CDH23: variants seen among roughly 807,000 people sequenced by gnomAD.
The protein encoded by CDH23 is cadherin related 23.
Under a neutral mutation model 317.1 loss-of-function variants are expected in CDH23, and 189 were observed. The ratio of observed to expected loss-of-function variants is 0.60; its 90% CI spans 0.53 to 0.67. CDH23 has a LOEUF of 0.67. Among genes scored for constraint, CDH23 ranks in the 30% least tolerant of loss-of-function variants. The probability of loss-of-function intolerance (pLI) is 0.00; values close to 1 mark genes in which losing one functional copy is unlikely to be tolerated. For synonymous variants in CDH23, 1,839 were observed against 1,876.8 expected (o/e 0.98, Z 0.52); for missense variants, 4,401 against 4,592.4 (o/e 0.96, Z 1.20).
At chr10:71,793,104 T>A (rs913998625) in intron 47 of CDH23, 78 bp from the exon 48 acceptor site, 49 of 1,132,492 alleles carry the variant, frequency 4.3e-5, no homozygotes, top group Admixed American at 1.9e-4. Context: ...CTTGAGAAGA[T>A]CACCAACAAA....
At chr10:71,779,133 T>C in intron 40 of CDH23, 134 bp from the exon 41 acceptor site, 1 of 799,162 alleles carries the variant, frequency 1.3e-6, no homozygotes, top group South Asian at 1.5e-5. Flanking sequence ...CCCACCCATA[T>C]CCGACTTCCC....
rs569882555 is a variant in CDH23 at position 71,461,954 on chromosome 10, A to G, written c.145+15559A>G. ...CGCTGCCCTGGCCATGCAGCTTCCT[A>G]GCCTCCTGAATTGGCTCCATGAGTC... is the stretch of plus-strand genomic sequence containing the variant. On this transcript the variant is annotated intron_variant, in intron 3 of 69. Coordinates refer to ENST00000224721, the MANE Select transcript of CDH23 (RefSeq NM_022124.6). Among the ~76,000 whole-genome samples, 373 of 152,308 alleles carry G rather than the reference A, an allele frequency of 2.4e-3. 4 individuals are homozygous for G. The highest frequency in any genetic ancestry group is 8.7e-3 in the African/African-American group (361 of 41,578).
chr10:71,499,455 G>T (rs929648003), intron 3 of CDH23, among the ~76,000 whole-genome samples: 1 of 152,168 alleles, frequency 6.6e-6, no homozygotes, highest in African/African-American at 2.4e-5. Flanking sequence ...CGAGCTACTT[G>T]GGAGGCTGAG....
intron 1 of CDH23, among the ~76,000 whole-genome samples, chr10:71,398,437 GTGT>G (rs1847628153): frequency 8.5e-6 from 1 of 117,224 alleles, no homozygotes; most frequent in African/African-American, 3.7e-5. Flanking sequence ...GAGTGTGTGT[GTGT>G]GTGTGTGTGT....
chr10:71,587,110 G>A (rs1437513163), intron 9 of CDH23, among the ~76,000 whole-genome samples: 1 of 152,230 alleles, frequency 6.6e-6, no homozygotes, highest in Non-Finnish European at 1.5e-5. Context: ...CCATTTAACA[G>A]ATGAGGAAGC....
chr10:71,518,497 G>A (rs1478336910), intron 6 of CDH23, among the ~76,000 whole-genome samples: 1 of 152,190 alleles, frequency 6.6e-6, no homozygotes, highest in Non-Finnish European at 1.5e-5. Flanking sequence ...GCTCACTGCT[G>A]GCTGTCTGCA....
In CDH23 at chr10:71,397,148, G is replaced by GAGCGGCC. The variant is rs1429034348; in HGVS notation, c.-175_-169dup. 2 of 187,694 alleles carry GAGCGGCC rather than the reference G, an allele frequency of 1.1e-5. No homozygotes were observed. The highest frequency in any genetic ancestry group is 4.9e-5 in the African/African-American group (2 of 40,866). 11.6% of individuals were successfully genotyped at this position (187,694 alleles called of 1,614,324 possible). On this transcript the variant is annotated 5_prime_UTR_variant, in exon 1 of 70. Coordinates refer to ENST00000224721, the MANE Select transcript of CDH23 (RefSeq NM_022124.6). This position sits in a 1 kb window ranked among gnomAD's most constrained non-coding sequence, Gnocchi z 4.8. ...TTGCGAGCGGCGAGCGGCGAGCGGC[G>GAGCGGCC]AGCGGCCCGCGGAGACCCAGGAGCT...
chr10:71,695,976 G>A lies in CDH23; in HGVS notation c.2397+451G>A, dbSNP rs191933512. Among the ~76,000 whole-genome samples, 11 of 152,348 alleles carry A rather than the reference G, an allele frequency of 7.2e-5. No individual in the cohort carries two copies. The East Asian group carries it at 1.7e-3, about 24-fold the overall frequency. On this transcript the variant is annotated intron_variant, in intron 22 of 69. Coordinates refer to ENST00000224721, the MANE Select transcript of CDH23 (RefSeq NM_022124.6). ...ACCTCCCCCACGGGCTGGCCCCCAC[G>A]GCTGCCCAGCAGGGGTTTTGTTCAC... is the stretch of plus-strand genomic sequence containing the variant.
chr10:71,412,897 TG>T (rs1848397452), intron 1 of CDH23, among the ~76,000 whole-genome samples: 1 of 152,242 alleles, frequency 6.6e-6, no homozygotes, highest in Non-Finnish European at 1.5e-5. Flanking sequence ...TTATCAGATG[TG>T]TGATTTACAG....
At chr10:71,800,851 C>A in intron 53 of CDH23, 96 bp downstream of exon 53, 1 of 1,509,622 alleles carries the variant, frequency 6.6e-7, no homozygotes, top group Non-Finnish European at 9.0e-7. Context: ...AGACTGGGAG[C>A]AGAGCCCCCC....
chr10:71,596,907 C>T (rs188989786), intron 9 of CDH23, among the ~76,000 whole-genome samples: 60 of 152,180 alleles, frequency 3.9e-4, no homozygotes, highest in Non-Finnish European at 7.5e-4. Context: ...CACCTCCCCG[C>T]TGCCCGGCAC....
intron 2 of CDH23, among the ~76,000 whole-genome samples, chr10:71,443,267 G>T (rs974662863): frequency 6.6e-6 from 1 of 152,112 alleles, no homozygotes; most frequent in Non-Finnish European, 1.5e-5. Flanking sequence ...CCCCCACCCC[G>T]CAATTCAGGG....
chr10:71,528,739 AC>A (rs1233397301), intron 6 of CDH23, among the ~76,000 whole-genome samples: 1 of 151,860 alleles, frequency 6.6e-6, no homozygotes, highest in Non-Finnish European at 1.5e-5. Flanking sequence ...CCTGTTCCCC[AC>A]CCTGGGGGCC....
intron 3 of CDH23, among the ~76,000 whole-genome samples, chr10:71,488,385 A>G (rs7075060): frequency 0.72 from 110,268 of 152,172 alleles, 41,313 homozygotes; most frequent in African/African-American, 0.92. Context: ...AGTGAGGGCT[A>G]CCTGCCAATC....
At chr10:71,667,454 C>G (rs924810133) in intron 14 of CDH23, among the ~76,000 whole-genome samples, 2 of 148,806 alleles carry the variant, frequency 1.3e-5, no homozygotes, top group Non-Finnish European at 3.0e-5. Flanking sequence ...TCTACCTGAG[C>G]CAGACAGGGA....
intron 27 of CDH23, 77 bp from the exon 28 acceptor site, chr10:71,712,588 G>A (rs1009852171): frequency 2.6e-5 from 41 of 1,549,930 alleles, no homozygotes; most frequent in Non-Finnish European, 3.5e-5. Flanking sequence ...GCCGGTGCCC[G>A]GGAGTGTGCA....
intron 22 of CDH23, among the ~76,000 whole-genome samples, chr10:71,701,073 C>T (rs984400532): frequency 1.3e-5 from 2 of 152,178 alleles, no homozygotes; most frequent in Non-Finnish European, 2.9e-5. Flanking sequence ...CTTGTCCACC[C>T]CTGGTGCCAC....
chr10:71,672,943 T>C (rs1487089429), intron 14 of CDH23, among the ~76,000 whole-genome samples: 1 of 152,106 alleles, frequency 6.6e-6, no homozygotes, highest in African/African-American at 2.4e-5. Context: ...CCTCCCTTCC[T>C]GCACACCCCA....
At chr10:71,411,672 T>G (rs1301608974) in intron 1 of CDH23, among the ~76,000 whole-genome samples, 1 of 152,206 alleles carries the variant, frequency 6.6e-6, no homozygotes, top group African/African-American at 2.4e-5. Flanking sequence ...CATACTTACT[T>G]CAATTCTGGT....
Sources: gnomAD v4.1 joint callset for allele counts (sites outside exome capture counted in the v4.1 genomes callset) on GRCh38, gnomAD v4.1.1 for gene constraint, Gnocchi (gnomAD v3.1) non-coding constraint, MANE v1.5 for transcripts, NCBI Gene and HGNC (gene_info 2026-07-23, HGNC 2026-07-21) for gene names.